The following PHF10 variants were observed in gnomAD, a reference collection of about 807,000 sequenced individuals.
PHF10 encodes PHD finger protein 10.
In PHF10, 51 loss-of-function variants were observed where a neutral mutation model predicts 68.5. The observed-to-expected ratio is 0.74, with a 90% CI of 0.59 to 0.94. The LOEUF (loss-of-function observed/expected upper bound fraction) is 0.94, where lower values mean the gene tolerates loss of function less well. Among genes scored for constraint, PHF10 ranks in the 40% least tolerant of loss-of-function variants. PHF10 has a pLI of 0.00. For synonymous variants in PHF10, 204 were observed against 203.5 expected (o/e 1.00, Z -0.02); for missense variants, 460 against 602.6 (o/e 0.76, Z 2.48).
chr6:169,715,607 AC>A, intron 6 of PHF10, 100 bp downstream of exon 6: 1 of 1,008,734 alleles, frequency 9.9e-7, no homozygotes, highest in Non-Finnish European at 1.5e-6. Flanking sequence ...AAACACACAC[AC>A]ATAGGTGGTA....
rs978222402 is a variant in PHF10, at chr6:169,723,917, G to T, written c.15C>A (p.Ala5=). Residue 5 remains alanine (A), a synonymous_variant, in exon 1 of 12, where the codon GCC becomes GCA. Transcript: ENST00000339209. MAAA[A]GPGAALSPRP... is the part of the protein sequence containing the mutation. ...GCGGGGACAGCGCAGCCCCGGGCCC[G>T]GCCGCCGCCGCCATCAGCCCGAGCG... The T allele has an allele frequency of 2.4e-5, 25 of 1,034,488 alleles. No homozygotes were observed. The African/African-American group carries it at 3.1e-4, about 13-fold the overall frequency. 64.1% of individuals were successfully genotyped at this position (1,034,488 alleles called of 1,614,324 possible). A position where few individuals can be genotyped will look rare whatever the true frequency, so the allele number is the denominator to read the frequency against.
At chr6:169,709,558 T>C (rs1415937181) in intron 9 of PHF10, 1 of 152,166 alleles carries the variant, frequency 6.6e-6, no homozygotes, top group African/African-American at 2.4e-5. Flanking sequence ...GAGGAAAAGT[T>C]CAAAATATAA....
chr6:169,706,608 T>C (rs1380225414), intron 9 of PHF10, among the ~76,000 whole-genome samples: 2 of 152,070 alleles, frequency 1.3e-5, no homozygotes, highest in East Asian at 3.8e-4. Context: ...CGTCACGGTC[T>C]TGACTGTTAC....
chr6:169,704,171 G>T, intron 11 of PHF10, 83 bp from the exon 12 acceptor site: 1 of 965,240 alleles, frequency 1.0e-6, no homozygotes, highest in Non-Finnish European at 1.5e-6. Context: ...TTCTGCCTTA[G>T]CTATCACTAA....
chr6:169,710,426 G>C (rs1562985807), intron 8 of PHF10, 35 bp from the exon 9 acceptor site: 1 of 1,521,168 alleles, frequency 6.6e-7, no homozygotes, highest in South Asian at 1.2e-5. Flanking sequence ...AGATTCTTTG[G>C]AATTAAGACA....
chr6:169,719,710 G>C (rs1174220763), intron 2 of PHF10, among the ~76,000 whole-genome samples: 1 of 152,036 alleles, frequency 6.6e-6, no homozygotes, highest in Non-Finnish European at 1.5e-5. Flanking sequence ...AAATATAAGA[G>C]CTAACTAGAA....
chr6:169,718,904 G>T lies in PHF10; in HGVS notation c.209C>A (p.Pro70Gln). ...SSQDLGFSYY[P>Q]AENLIEYKWP... is the part of the protein sequence containing the mutation. ...TTTGTACTCTATCAAGTTTTCTGCTGGATAGTAACTAAAACTAAGTACAGA... is the reference window on the plus strand; with the variant it reads ...TTTGTACTCTATCAAGTTTTCTGCTTGATAGTAACTAAAACTAAGTACAGA... Residue 70 changes from proline (P) to glutamine (Q), a missense_variant, in exon 3 of 12, where the codon CCA becomes CAA. Around this residue, in one of 3 missense-constraint regions of PHF10, gnomAD observed 93 missense variants for 82.4 expected, o/e 1.13. Coordinates refer to ENST00000339209, the MANE Select transcript of PHF10 (RefSeq NM_018288.4). The T allele has an allele frequency of 6.3e-7, 1 of 1,581,600 alleles. No individual in the cohort carries two copies. The highest frequency in any genetic ancestry group is 8.7e-7 in the Non-Finnish European group (1 of 1,152,172).
chr6:169,705,012 T>G (rs1788728213), intron 11 of PHF10, 121 bp downstream of exon 11: 1 of 626,570 alleles, frequency 1.6e-6, no homozygotes, highest in East Asian at 2.9e-5. Flanking sequence ...ACAGCTTTGG[T>G]CATATTTGCA....
Position 169,715,805 on chromosome 6 carries a change from T to C in PHF10, c.596A>G (p.Tyr199Cys). Residue 199 changes from tyrosine (Y) to cysteine (C), a missense_variant, in exon 6 of 12, where the codon TAT becomes TGT. By Grantham distance (194) the Tyr-to-Cys change is radical. Transcript: ENST00000339209. ...TGCTTTTTTGGCAGCTTTCTTAATA[T>C]ACTCAGGCACTTTACTGGCTTCAAC... ...QKVEASKVPE[Y>C]IKKAAKKAAE... is the part of the protein sequence containing the mutation. 1.2e-6 allele frequency: 2 copies of C among 1,613,984 alleles called. No individual in the cohort carries two copies. The highest frequency in any genetic ancestry group is 1.7e-6 in the Non-Finnish European group (2 of 1,179,910).
chr6:169,718,506 T>C (rs1218430662), intron 3 of PHF10, among the ~76,000 whole-genome samples: 1 of 151,842 alleles, frequency 6.6e-6, no homozygotes, highest in East Asian at 1.9e-4. Context: ...TCTAAAAAAA[T>C]AAAAATTAAA....
At chr6:169,706,403 T>C (rs1287848890) in intron 9 of PHF10, among the ~76,000 whole-genome samples, 2 of 152,074 alleles carry the variant, frequency 1.3e-5, no homozygotes, top group African/African-American at 2.4e-5. Flanking sequence ...AAATAAGTTT[T>C]CAGACAAGCA....
At position 169,707,410 on chromosome 6, in the gene PHF10, T is replaced by G. The variant is rs565731991; in HGVS notation, c.1114-1686A>C. Reference sequence around the variant, plus strand: ...GATCATATCTGTACCTGCCATAATATACAGCAGAATGCTCTCTCTTAATCC... The same window carrying G: ...GATCATATCTGTACCTGCCATAATAGACAGCAGAATGCTCTCTCTTAATCC... On this transcript the variant is annotated intron_variant, in intron 9 of 11. Coordinates refer to ENST00000339209, the MANE Select transcript of PHF10 (RefSeq NM_018288.4). 7.2e-5 allele frequency: 11 copies of G among 152,338 alleles called. No homozygotes were observed. The South Asian group carries it at 2.3e-3, about 32-fold the overall frequency. The allele number at this position is 152,338 out of a possible 1,614,324, so 9.4% of individuals were successfully genotyped here.
intron 10 of PHF10, 146 bp from the exon 11 acceptor site, chr6:169,705,467 AAC>A (rs1788749692): frequency 1.4e-6 from 1 of 713,406 alleles, no homozygotes; most frequent in Non-Finnish European, 2.4e-6. Context: ...TGTAGAGGAA[AAC>A]ACATGGGCTG....
intron 8 of PHF10, among the ~76,000 whole-genome samples, chr6:169,710,981 ATTC>A (rs1562985981): frequency 6.6e-6 from 1 of 152,324 alleles, no homozygotes; most frequent in Non-Finnish European, 1.5e-5. Context: ...TGATCATTTA[ATTC>A]TTCATTTTAT....
At chr6:169,705,036 A>G in intron 11 of PHF10, 97 bp downstream of exon 11, 1 of 860,652 alleles carries the variant, frequency 1.2e-6, no homozygotes, top group Middle Eastern at 2.6e-4. Context: ...AAGAGTCCAC[A>G]AGCTCTTCAT....
chr6:169,710,446 C>A, intron 8 of PHF10, 55 bp from the exon 9 acceptor site: 1 of 1,300,424 alleles, frequency 7.7e-7, no homozygotes, highest in South Asian at 1.3e-5. Context: ...AAATTTGAGT[C>A]TGGATTTTGA....
intron 2 of PHF10, among the ~76,000 whole-genome samples, chr6:169,720,567 T>C (rs1245180151): frequency 6.6e-6 from 1 of 152,146 alleles, no homozygotes; most frequent in Non-Finnish European, 1.5e-5. Flanking sequence ...ACAAATATTT[T>C]ATGGTTCCAC....
chr6:169,716,007 A>G lies in PHF10; in HGVS notation c.491T>C (p.Ile164Thr). 2 of 1,609,848 alleles carry G rather than the reference A, an allele frequency of 1.2e-6. No individual in the cohort carries two copies. The highest frequency in any genetic ancestry group is 1.7e-6 in the Non-Finnish European group (2 of 1,177,010). The change falls in exon 5 of 12, where the codon ATT becomes ACT. Residue 164 changes from isoleucine (I) to threonine (T), a missense_variant. Physicochemically the swap from Ile to Thr is moderately conservative, Grantham distance 89. Transcript: ENST00000339209. ...TCGTTGACGTTCTTTTTCTTGTAGAATAACAGAATACTCAGCATGTTTGGC... is the reference window on the plus strand; with the variant it reads ...TCGTTGACGTTCTTTTTCTTGTAGAGTAACAGAATACTCAGCATGTTTGGC... The part of the protein sequence containing the change: ...YPAKHAEYSV[I>T]LQEKERQRIT...
chr6:169,705,177 C>T lies in PHF10; in HGVS notation c.1367G>A (p.Arg456Lys), dbSNP rs1218547177. ...EEMMFCDMCDRGYHTFCVGLG... is the reference protein window; with the variant it reads ...EEMMFCDMCDKGYHTFCVGLG... Reference sequence around the variant, plus strand: ...GCCCACACAAAAAGTATGATAACCTCTGTCACACATATCACAGAACATCAT... The same window carrying T: ...GCCCACACAAAAAGTATGATAACCTTTGTCACACATATCACAGAACATCAT... The change falls in exon 11 of 12, where the codon AGA (arginine) becomes AAA (lysine). Residue 456 changes from arginine to lysine, a missense_variant. By Grantham distance (26) the Arg-to-Lys change is conservative. Coordinates refer to ENST00000339209, the MANE Select transcript of PHF10 (RefSeq NM_018288.4). The T allele has an allele frequency of 1.2e-6, 2 of 1,613,306 alleles. No homozygotes were observed. Among genetic ancestry groups the T allele is most frequent in the Non-Finnish European group, 1.7e-6 (2 of 1,179,606 alleles).
Sources: gnomAD v4.1 joint callset for allele counts (sites outside exome capture counted in the v4.1 genomes callset) on GRCh38, gnomAD v4.1.1 for gene constraint, gnomAD v4.1.1 regional missense constraint, MANE v1.5 for transcripts, NCBI Gene and HGNC (gene_info 2026-07-23, HGNC 2026-07-21) for gene names.